PLAGL1: variants seen among roughly 807,000 people sequenced by gnomAD.
PLAGL1 encodes PLAG1 like zinc finger 1.
In PLAGL1, 1 loss-of-function variant was observed where a neutral mutation model predicts 4.6. The ratio of observed to expected loss-of-function variants is 0.22; its 90% CI spans 0.08 to 1.03. PLAGL1 has a LOEUF of 1.03. Among genes scored for constraint, PLAGL1 ranks in the 50% least tolerant of loss-of-function variants. PLAGL1 has a pLI of 0.58. For missense variants in PLAGL1, 464 were observed against 570.4 expected (o/e 0.81, Z 1.90); for synonymous variants, 240 against 237.8 (o/e 1.01, Z -0.08).
rs190391439 is a variant in PLAGL1, at chr6:143,968,549, G to A, written c.-472+358C>T. 1.3e-5 allele frequency: 2 copies of A among 152,188 alleles called. No homozygotes were observed. The highest frequency in any genetic ancestry group is 4.8e-5 in the African/African-American group (2 of 41,526). The allele number at this position is 152,188 out of a possible 1,614,324, so 9.4% of individuals were successfully genotyped here. On this transcript the variant is annotated intron_variant, in intron 3 of 7. Transcript: ENST00000674357. This position sits in a 1 kb window ranked among gnomAD's most constrained non-coding sequence, Gnocchi z 6.3. The stretch of plus-strand genomic sequence containing the variant: ...ACAGAAAGAGATCACGAAGTTTCTA[G>A]TGAGCAAGTCATGATAAGTAAAAAT...
chr6:144,041,319 C>T (rs1392059963), intron 1 of PLAGL1, among the ~76,000 whole-genome samples: 8 of 152,084 alleles, frequency 5.3e-5, no homozygotes, highest in Admixed American at 3.9e-4. Flanking sequence ...TCTCCTAATG[C>T]TATCCCTCCC....
Position 144,053,122 on chromosome 6 carries a change from A to G in PLAGL1, c.-151+11346T>C, listed in dbSNP as rs1050871984. Among the ~76,000 whole-genome samples the G allele has an allele frequency of 7.9e-5, 12 of 152,142 alleles. No homozygotes were observed. The highest frequency in any genetic ancestry group is 2.4e-4 in the African/African-American group (10 of 41,424). On this transcript the variant is annotated intron_variant, in intron 1 of 3. Transcript: ENST00000437412. The surrounding 1 kb of genome is among the most constrained non-coding windows in gnomAD (Gnocchi z 4.0). ...TCATCCTTATCAGCTACAACCACAC[A>G]TTGCCAAAATCAATCAATCAATCAT...
intron 7 of PLAGL1, among the ~76,000 whole-genome samples, chr6:143,943,031 A>ATTTTTTTTTTTTTTTTTTTTTTTT (rs61216054): frequency 6.2e-5 from 4 of 64,646 alleles, no homozygotes; most frequent in Admixed American, 2.5e-4. Flanking sequence ...GGCCTGGCTA[A>ATTTTTTTTTTTTTTTTTTTTTTTT]TTTTTTTTTT....
Position 143,941,665 on chromosome 6 carries a change from A to G in PLAGL1, c.1151T>C (p.Leu384Ser). 1 of 1,614,234 alleles carries G rather than the reference A, an allele frequency of 6.2e-7. No individual in the cohort carries two copies. Among genetic ancestry groups the G allele is most frequent in the East Asian group, 2.2e-5 (1 of 44,892 alleles). ...IPASLDLSPL[L>S]GFWQLPPPAT... ...AGGAGGGGGCAGCTGCCAGAAGCCC[A>G]ACAGGGGGGACAGGTCCAGAGAGGC... The change falls in exon 8 of 8, where the codon TTG (leucine) becomes TCG (serine). Residue 384 changes from leucine to serine, a missense_variant. Leu to Ser is a moderately radical substitution (Grantham distance 145). Around this residue, in one of 4 missense-constraint regions of PLAGL1, gnomAD observed 248 missense variants for 250.1 expected, o/e 0.99. Transcript: ENST00000674357. The surrounding 1 kb of genome is among the most constrained non-coding windows in gnomAD (Gnocchi z 6.0).
chr6:144,018,408 G>A (rs1583724264), intron 1 of PLAGL1, among the ~76,000 whole-genome samples: 1 of 152,244 alleles, frequency 6.6e-6, no homozygotes, highest in East Asian at 1.9e-4. Context: ...GCGGGTATTG[G>A]TCAAAGGACA....
intron 1 of PLAGL1, among the ~76,000 whole-genome samples, chr6:144,046,837 G>C (rs1798191407): frequency 6.6e-6 from 1 of 152,178 alleles, no homozygotes; most frequent in African/African-American, 2.4e-5. Context: ...TCATTGAGCT[G>C]CGGGTGGGCT....
chr6:144,032,159 T>C (rs1480026055), intron 1 of PLAGL1, among the ~76,000 whole-genome samples: 1 of 151,904 alleles, frequency 6.6e-6, no homozygotes, highest in African/African-American at 2.4e-5. Flanking sequence ...ATCTCTCTGT[T>C]GCCCAGGCTG....
rs1448913321 is a variant in PLAGL1, at chr6:143,985,967, T to A, written c.-583-793A>T. Reference sequence around the variant, plus strand: ...ATATATATACACATATATATCAAATTATATATATATAAAATTATATATATA... The same window carrying A: ...ATATATATACACATATATATCAAATAATATATATATAAAATTATATATATA... On this transcript the variant is annotated intron_variant, in intron 1 of 7. Coordinates refer to ENST00000674357, the MANE Select transcript of PLAGL1 (RefSeq NM_001317162.2). The surrounding 1 kb of genome is among the most constrained non-coding windows in gnomAD (Gnocchi z 4.4). Among the ~76,000 whole-genome samples the A allele has an allele frequency of 1.7e-5, 2 of 117,344 alleles. No individual in the cohort carries two copies. Among genetic ancestry groups the A allele is most frequent in the Non-Finnish European group, 3.6e-5 (2 of 56,266 alleles). The allele number at this position is 117,344 out of a possible 152,430, so 77.0% of individuals were successfully genotyped here.
At chr6:144,025,763 C>T (rs1009205943) in intron 1 of PLAGL1, among the ~76,000 whole-genome samples, 5 of 151,792 alleles carry the variant, frequency 3.3e-5, no homozygotes, top group Admixed American at 2.0e-4. Context: ...TGTGGTGGCA[C>T]GCACCTGTAA....
At chr6:144,042,460 G>A (rs1459077952) in intron 1 of PLAGL1, among the ~76,000 whole-genome samples, 2 of 152,024 alleles carry the variant, frequency 1.3e-5, no homozygotes, top group Non-Finnish European at 2.9e-5. Context: ...TTTTTGTCAG[G>A]TTTGTCAAAG....
chr6:143,956,109 A>T (rs1193490639), intron 6 of PLAGL1, among the ~76,000 whole-genome samples: 1 of 152,224 alleles, frequency 6.6e-6, no homozygotes, highest in African/African-American at 2.4e-5. Context: ...AACCTAACTT[A>T]TACAGGCGAT....
In PLAGL1 at chr6:143,995,948, C is replaced by A. The variant is rs887047912; in HGVS notation, c.-583-10774G>T. 6.6e-6 allele frequency among the ~76,000 whole-genome samples: 1 copy of A among 152,124 alleles called. No individual in the cohort carries two copies. The highest frequency in any genetic ancestry group is 1.5e-5 in the Non-Finnish European group (1 of 68,012). ...AAGAACTGAAATCTAGACCTCTAATCTTTTTTCCAAAAATATCAAGGATAA... is the reference window on the plus strand; with the variant it reads ...AAGAACTGAAATCTAGACCTCTAATATTTTTTCCAAAAATATCAAGGATAA... On this transcript the variant is annotated intron_variant, in intron 1 of 7. Transcript: ENST00000674357. This position sits in a 1 kb window ranked among gnomAD's most constrained non-coding sequence, Gnocchi z 4.4.
chr6:143,997,611 G>A lies in PLAGL1; in HGVS notation c.-584+10479C>T, dbSNP rs995008992. 6.6e-6 allele frequency among the ~76,000 whole-genome samples: 1 copy of A among 152,172 alleles called. No individual in the cohort carries two copies. The highest frequency in any genetic ancestry group is 2.4e-5 in the African/African-American group (1 of 41,442). On this transcript the variant is annotated intron_variant, in intron 1 of 7. Transcript: ENST00000674357. This position sits in a 1 kb window ranked among gnomAD's most constrained non-coding sequence, Gnocchi z 4.6. ...GAGGATCGCTTGAGCCTGGGAGGTT[G>A]AGGCTGCTGTGAACTGTCATCCTGT...
At chr6:143,988,612 G>A (rs951020036) in intron 1 of PLAGL1, among the ~76,000 whole-genome samples, 1 of 152,192 alleles carries the variant, frequency 6.6e-6, no homozygotes, top group African/African-American at 2.4e-5. Context: ...GCCTGCCTTG[G>A]TCAGTTCAGG....
Position 143,966,635 on chromosome 6 carries a change from A to C in PLAGL1, c.-471-437T>G, listed in dbSNP as rs1343593289. On this transcript the variant is annotated intron_variant, in intron 3 of 7. Coordinates refer to ENST00000674357, the MANE Select transcript of PLAGL1 (RefSeq NM_001317162.2). The surrounding 1 kb of genome is among the most constrained non-coding windows in gnomAD (Gnocchi z 6.0). ...ACCACCTCTAATTCCTACTGCTGGA[A>C]CAAAAAGGGAAAAATTACCTTGGTA... The C allele has an allele frequency of 6.6e-6, 1 of 152,222 alleles. No individual in the cohort carries two copies. The highest frequency in any genetic ancestry group is 1.5e-5 in the Non-Finnish European group (1 of 68,028). The allele number at this position is 152,222 out of a possible 1,614,324, so 9.4% of individuals were successfully genotyped here.
chr6:144,062,618 C>CCT (rs1799517902), intron 1 of PLAGL1, among the ~76,000 whole-genome samples: 1 of 152,092 alleles, frequency 6.6e-6, no homozygotes, highest in Non-Finnish European at 1.5e-5. Context: ...GGGAGCTGCC[C>CCT]CTCTCTCTGG....
At chr6:144,014,959 A>C (rs1795472258) in intron 1 of PLAGL1, among the ~76,000 whole-genome samples, 1 of 152,212 alleles carries the variant, frequency 6.6e-6, no homozygotes, top group Admixed American at 6.5e-5. Context: ...GGTTATCTAT[A>C]TAGAGAAAAA....
rs1014050950 is a variant in PLAGL1 at position 143,954,460 on chromosome 6, G to A, written c.-324-6000C>T. 5.9e-5 allele frequency among the ~76,000 whole-genome samples: 9 copies of A among 152,210 alleles called. No individual in the cohort carries two copies. The highest frequency in any genetic ancestry group is 2.2e-4 in the African/African-American group (9 of 41,460). On this transcript the variant is annotated intron_variant, in intron 6 of 7. Coordinates refer to ENST00000674357, the MANE Select transcript of PLAGL1 (RefSeq NM_001317162.2). This position sits in a 1 kb window ranked among gnomAD's most constrained non-coding sequence, Gnocchi z 5.1. ...CCCAGGGGCTGGGACAGGCATTTGAGTCAAACTTGCAAGGGGAACACTTGA... is the reference window on the plus strand; with the variant it reads ...CCCAGGGGCTGGGACAGGCATTTGAATCAAACTTGCAAGGGGAACACTTGA...
chr6:143,981,445 G>A (rs1189000659), intron 2 of PLAGL1, among the ~76,000 whole-genome samples: 2 of 152,160 alleles, frequency 1.3e-5, no homozygotes, highest in Admixed American at 6.5e-5. Flanking sequence ...CTCTTCTCTG[G>A]TACTCTGTCC....
Sources: allele counts gnomAD v4.1 joint callset (sites outside exome capture counted in the v4.1 genomes callset), GRCh38; gene constraint gnomAD v4.1.1; regional missense constraint gnomAD v4.1.1; non-coding constraint Gnocchi (gnomAD v3.1); transcripts MANE v1.5; gene names NCBI Gene and HGNC (gene_info 2026-07-23, HGNC 2026-07-21).